Variants in PPM1L observed in about 807,000 individuals in gnomAD.
The protein encoded by PPM1L is protein phosphatase 1L.
In PPM1L, 13 loss-of-function variants were observed where a neutral mutation model predicts 31.4. That is an observed-to-expected ratio of 0.41 (90% CI 0.27 to 0.66). The LOEUF (loss-of-function observed/expected upper bound fraction) is 0.66, where lower values mean the gene tolerates loss of function less well. PPM1L is among the 30% of genes least tolerant of loss of function. The pLI, the probability that PPM1L is intolerant of heterozygous loss-of-function variation, is 0.29. For synonymous variants in PPM1L, 184 were observed against 175.4 expected (o/e 1.05, Z -0.39); for missense variants, 326 against 453.7 (o/e 0.72, Z 2.56).
intron 1 of PPM1L, among the ~76,000 whole-genome samples, chr3:160,916,146 T>C (rs1250342090): frequency 6.6e-6 from 1 of 152,112 alleles, no homozygotes; most frequent in Non-Finnish European, 1.5e-5. Context: ...GAGAAAATTT[T>C]TGCAACCTAC....
chr3:161,063,329 C>CT (rs35708710), intron 2 of PPM1L, among the ~76,000 whole-genome samples: 1 of 151,728 alleles, frequency 6.6e-6, no homozygotes, highest in Non-Finnish European at 1.5e-5. Flanking sequence ...TGAAATTAGT[C>CT]TTTTTTTTCC....
intron 2 of PPM1L, among the ~76,000 whole-genome samples, chr3:161,019,681 G>A (rs1576787411): frequency 6.6e-6 from 1 of 152,146 alleles, no homozygotes; most frequent in African/African-American, 2.4e-5. Flanking sequence ...GTGAGTTTGT[G>A]TTACCTGTCA....
At chr3:160,857,441 T>G (rs1711749734) in intron 1 of PPM1L, among the ~76,000 whole-genome samples, 1 of 152,218 alleles carries the variant, frequency 6.6e-6, no homozygotes, top group South Asian at 2.1e-4. Context: ...GATCAGACTT[T>G]GTGACTAGGA....
intron 1 of PPM1L, among the ~76,000 whole-genome samples, chr3:160,861,153 C>T (rs1406077783): frequency 2.6e-5 from 4 of 152,168 alleles, no homozygotes; most frequent in African/African-American, 9.7e-5. Flanking sequence ...CCTTTATTTG[C>T]TGACTCCAAG....
intron 1 of PPM1L, among the ~76,000 whole-genome samples, chr3:160,880,989 A>G (rs889206462): frequency 2.6e-5 from 4 of 152,246 alleles, no homozygotes; most frequent in African/African-American, 9.6e-5. Context: ...TTCATAGGAC[A>G]GTAGATCTTT....
intron 2 of PPM1L, among the ~76,000 whole-genome samples, chr3:161,038,585 T>A (rs13070984): frequency 0.042 from 4,654 of 110,610 alleles, 265 homozygotes; most frequent in Non-Finnish European, 0.048. Flanking sequence ...GGATTTGTTT[T>A]AAAAAAAAAA....
At chr3:160,881,439 G>A (rs1349415886) in intron 1 of PPM1L, among the ~76,000 whole-genome samples, 1 of 152,154 alleles carries the variant, frequency 6.6e-6, no homozygotes, top group Admixed American at 6.5e-5. Flanking sequence ...AGAGAGGACA[G>A]TGTGAGAAAG....
chr3:161,042,769 C>G (rs531903972), intron 2 of PPM1L, among the ~76,000 whole-genome samples: 1 of 152,146 alleles, frequency 6.6e-6, no homozygotes, highest in Admixed American at 6.5e-5. Flanking sequence ...GCCTGTAATC[C>G]CAGCACTTTG....
chr3:160,796,822 T>C (rs979450723), intron 1 of PPM1L, among the ~76,000 whole-genome samples: 2 of 152,204 alleles, frequency 1.3e-5, no homozygotes, highest in Admixed American at 1.3e-4. Flanking sequence ...TATCAGGCAC[T>C]TAGTAGGAAT....
At chr3:160,905,308 A>G (rs530935067) in intron 1 of PPM1L, among the ~76,000 whole-genome samples, 6 of 152,296 alleles carry the variant, frequency 3.9e-5, no homozygotes, top group African/African-American at 1.4e-4. Context: ...TATTTTGCCA[A>G]TGGTAATTCT....
At chr3:160,980,734 AAG>A (rs1559912380) in intron 2 of PPM1L, among the ~76,000 whole-genome samples, 5 of 142,168 alleles carry the variant, frequency 3.5e-5, no homozygotes, top group Admixed American at 7.0e-5. Context: ...GAGAGAGAAA[AAG>A]AAAGAGAAAG....
At chr3:161,063,481 T>A (rs1719633963) in intron 2 of PPM1L, among the ~76,000 whole-genome samples, 1 of 140,350 alleles carries the variant, frequency 7.1e-6, no homozygotes, top group African/African-American at 2.9e-5. Context: ...ATGATAGTTA[T>A]TTTAATTCTC....
chr3:160,770,358 A>G (rs1715217716), intron 1 of PPM1L, among the ~76,000 whole-genome samples: 1 of 152,208 alleles, frequency 6.6e-6, no homozygotes, highest in Non-Finnish European at 1.5e-5. Context: ...AGTTTGAGAT[A>G]AAGGGAATGT....
At chr3:160,974,334 A>G (rs1174892990) in intron 2 of PPM1L, among the ~76,000 whole-genome samples, 4 of 152,004 alleles carry the variant, frequency 2.6e-5, no homozygotes, top group African/African-American at 4.8e-5. Flanking sequence ...ATAAACATAC[A>G]TGTGCATGTG....
intron 2 of PPM1L, among the ~76,000 whole-genome samples, chr3:161,048,249 C>A (rs1719147326): frequency 6.6e-6 from 1 of 151,948 alleles, no homozygotes; most frequent in South Asian, 2.1e-4. Context: ...AAGAAAAAAC[C>A]CCATCACAAA....
chr3:161,051,226 G>A (rs112597449), intron 2 of PPM1L, among the ~76,000 whole-genome samples: 178 of 152,296 alleles, frequency 1.2e-3, no homozygotes, highest in African/African-American at 4.0e-3. Flanking sequence ...CTAAGTGTCT[G>A]TTTGGTTTTA....
chr3:161,068,417 C>A (rs1352525881), intron 3 of PPM1L, among the ~76,000 whole-genome samples: 2 of 152,176 alleles, frequency 1.3e-5, no homozygotes, highest in Non-Finnish European at 2.9e-5. Flanking sequence ...GGCCTCAGGC[C>A]AAATGATATA....
intron 1 of PPM1L, among the ~76,000 whole-genome samples, chr3:160,872,107 T>G (rs564111615): frequency 6.6e-6 from 1 of 152,296 alleles, no homozygotes; most frequent in Non-Finnish European, 1.5e-5. Context: ...GGGCTTTTAG[T>G]GTGCACTGTA....
intron 1 of PPM1L, among the ~76,000 whole-genome samples, chr3:160,914,738 C>T (rs577703084): frequency 4.4e-4 from 67 of 152,086 alleles, no homozygotes; most frequent in Middle Eastern, 3.4e-3. Flanking sequence ...TGAATAGTGC[C>T]GCACTAAACA....
Sources: allele counts gnomAD v4.1 joint callset (sites outside exome capture counted in the v4.1 genomes callset), GRCh38; gene constraint gnomAD v4.1.1; transcripts MANE v1.5; gene names NCBI Gene and HGNC (gene_info 2026-07-23, HGNC 2026-07-21).